The following SYNE3 variants were observed in gnomAD, a reference collection of about 807,000 sequenced individuals.
SYNE3 encodes the protein nesprin-3.
SYNE3 carries 100 observed loss-of-function variants against 111.2 expected under a neutral mutation model. The observed-to-expected ratio is 0.90, with a 90% CI of 0.77 to 1.06. The LOEUF (loss-of-function observed/expected upper bound fraction) is 1.06. Among genes scored for constraint, SYNE3 ranks in the 50% least tolerant of loss-of-function variants. The probability of loss-of-function intolerance (pLI) is 0.00; values close to 1 mark genes in which losing one functional copy is unlikely to be tolerated. For synonymous variants in SYNE3, 547 were observed against 533.9 expected (o/e 1.02, Z -0.34); for missense variants, 1,160 against 1,240.3 (o/e 0.94, Z 0.97).
At chr14:95,475,554 T>C (rs897959924) in intron 2 of SYNE3, 124 bp downstream of exon 2, 1 of 1,131,678 alleles carries the variant, frequency 8.8e-7, no homozygotes, top group Non-Finnish European at 1.1e-6. Flanking sequence ...TGTGTGCACA[T>C]CAGAGTTTGA....
In SYNE3 at chr14:95,436,554, A is replaced by G. The variant is rs144445286; in HGVS notation, c.2538+266T>C. Among the ~76,000 whole-genome samples, 5 of 152,374 alleles carry G rather than the reference A, an allele frequency of 3.3e-5. No homozygotes were observed. The East Asian group carries it at 9.6e-4, about 29-fold the overall frequency. On this transcript the variant is annotated intron_variant, in intron 15 of 17. Coordinates refer to ENST00000682763, the MANE Select transcript of SYNE3 (RefSeq NM_152592.6). ...ACAAACTGTTGGGATGGTGTGTCAC[A>G]CAGCAATAGCTAAGTGACAGGAGTC...
rs897735580 is a variant in SYNE3, at chr14:95,450,099, C to T, written c.1281G>A (p.Lys427=). 56 of 1,575,242 alleles carry T rather than the reference C, an allele frequency of 3.6e-5. No individual in the cohort carries two copies. The highest frequency in any genetic ancestry group is 4.6e-5 in the Non-Finnish European group (53 of 1,159,834). Residue 427 remains lysine (K), a synonymous_variant, in exon 8 of 18, where the codon AAG becomes AAA. Coordinates refer to ENST00000682763, the MANE Select transcript of SYNE3 (RefSeq NM_152592.6). ...CATTGCGCAGCCTCGCGCTCTTCAC[C>T]TTCAGGCTGCAAGGAGCGTGGAGGG... is the stretch of plus-strand genomic sequence containing the variant. The part of the protein sequence containing the change: ...IATIQEYQSL[K]VKSARLRNAA...
Position 95,446,069 on chromosome 14 carries a change from C to A in SYNE3, c.1472G>T (p.Arg491Leu), listed in dbSNP as rs745629148. ...CAGCATCGTCAGCAGCTCTTTCAGG[C>A]GGGAGCTTTCCATCAGGGCTGCCTG... ...QIEAALMESSRLKELLTMLQL... is the reference protein window; with the variant it reads ...QIEAALMESSLLKELLTMLQL... Residue 491 changes from arginine (R) to leucine (L), a missense_variant, in exon 9 of 18, where the codon CGC becomes CTC. By Grantham distance (102) the Arg-to-Leu change is moderately radical. Transcript: ENST00000682763. 8.7e-6 allele frequency: 14 copies of A among 1,614,066 alleles called. No individual in the cohort carries two copies. Among genetic ancestry groups the A allele is most frequent in the Non-Finnish European group, 1.2e-5 (14 of 1,180,026 alleles).
At chr14:95,493,533 G>T (rs775824736) in intron 1 of SYNE3, among the ~76,000 whole-genome samples, 1 of 152,120 alleles carries the variant, frequency 6.6e-6, no homozygotes, top group Non-Finnish European at 1.5e-5. Flanking sequence ...CATCCCTATG[G>T]GTCTTATAGA....
chr14:95,506,854 C>G (rs546201609), intron 1 of SYNE3, among the ~76,000 whole-genome samples: 1 of 152,296 alleles, frequency 6.6e-6, no homozygotes, highest in Non-Finnish European at 1.5e-5. Context: ...TGACTTGCCA[C>G]AGGCGACAAA....
chr14:95,468,537 C>T (rs1888333556), intron 2 of SYNE3, among the ~76,000 whole-genome samples: 1 of 152,134 alleles, frequency 6.6e-6, no homozygotes, highest in Admixed American at 6.5e-5. Flanking sequence ...TGAAGCAGCT[C>T]CCTTCCTGGG....
At chr14:95,425,164 T>C (rs1885361394) in intron 17 of SYNE3, among the ~76,000 whole-genome samples, 1 of 151,722 alleles carries the variant, frequency 6.6e-6, no homozygotes, top group Non-Finnish European at 1.5e-5. Context: ...GAGAATCGCT[T>C]GAACCTGGGA....
chr14:95,495,529 G>C (rs1890052797), intron 1 of SYNE3, among the ~76,000 whole-genome samples: 2 of 152,250 alleles, frequency 1.3e-5, no homozygotes, highest in South Asian at 4.1e-4. Flanking sequence ...CTGTGTGCCA[G>C]GCACTGGGCA....
intron 2 of SYNE3, among the ~76,000 whole-genome samples, chr14:95,469,092 A>C (rs1217114782): frequency 1.3e-5 from 2 of 152,124 alleles, no homozygotes; most frequent in African/African-American, 4.8e-5. Flanking sequence ...TATTATTATT[A>C]TTATCCTTAT....
intron 1 of SYNE3, among the ~76,000 whole-genome samples, chr14:95,486,727 C>T (rs1889569560): frequency 6.6e-6 from 1 of 152,200 alleles, no homozygotes; most frequent in African/African-American, 2.4e-5. Context: ...GAAATGACAG[C>T]CTTCTACTAG....
chr14:95,501,760 A>T, intron 1 of SYNE3, among the ~76,000 whole-genome samples: 1 of 152,220 alleles, frequency 6.6e-6, no homozygotes, highest in Non-Finnish European at 1.5e-5. Context: ...GCAGCAAAGC[A>T]TGAAGTAGCA....
chr14:95,420,996 TCG>T (rs1885084322), intron 17 of SYNE3, among the ~76,000 whole-genome samples: 1 of 152,176 alleles, frequency 6.6e-6, no homozygotes, highest in African/African-American at 2.4e-5. Context: ...TGAATAAGTC[TCG>T]CAAGATCTGA....
intron 4 of SYNE3, among the ~76,000 whole-genome samples, chr14:95,463,770 G>A (rs1421956994): frequency 1.3e-5 from 2 of 152,232 alleles, no homozygotes; most frequent in Non-Finnish European, 2.9e-5. Flanking sequence ...GGGGCCCTGC[G>A]GGTTGCTTGC....
chr14:95,426,626 G>A (rs1377833005), intron 17 of SYNE3, among the ~76,000 whole-genome samples: 5 of 152,190 alleles, frequency 3.3e-5, no homozygotes, highest in Middle Eastern at 3.4e-3. Flanking sequence ...CCACCCAGGT[G>A]CCGAGGAAAG....
chr14:95,409,482 C>T lies in SYNE3; in HGVS notation c.*8344G>A, dbSNP rs573572046. ...TTTCAGAAAGGAAGCCCAGGATCCT[C>T]GGGGGAAACCGAGGTCCCTCCTTAT... On this transcript the variant is annotated 3_prime_UTR_variant, in exon 18 of 18. Transcript: ENST00000682763. The T allele has an allele frequency of 2.1e-5, 9 of 419,426 alleles. No homozygotes were observed. Among genetic ancestry groups the T allele is most frequent in the Non-Finnish European group, 2.8e-5 (6 of 211,144 alleles). 26.0% of individuals were successfully genotyped at this position (419,426 alleles called of 1,614,324 possible).
intron 4 of SYNE3, among the ~76,000 whole-genome samples, chr14:95,460,721 A>G (rs1887751415): frequency 6.6e-6 from 1 of 152,176 alleles, no homozygotes; most frequent in South Asian, 2.1e-4. Flanking sequence ...CCCTTCCTGC[A>G]GGGTTATTTA....
At chr14:95,469,531 CAAAAAAAAAA>C (rs71132350) in intron 2 of SYNE3, among the ~76,000 whole-genome samples, 1,042 of 99,460 alleles carry the variant, frequency 0.01, 13 homozygotes, top group African/African-American at 0.037. Flanking sequence ...CATGTCTCTA[CAAAAAAAAAA>C]AAAAAAAAAA....
intron 1 of SYNE3, among the ~76,000 whole-genome samples, chr14:95,510,804 A>G (rs1466624438): frequency 6.6e-6 from 1 of 151,762 alleles, no homozygotes; most frequent in African/African-American, 2.4e-5. Context: ...AAAAAAGTGC[A>G]GGACCAAAAT....
At position 95,449,318 on chromosome 14, in the gene SYNE3, G is replaced by C. The variant is rs117361699; in HGVS notation, c.1449+613C>G. ...CAGGAATAATCAATCATATGACCTTGACCAACCAATGAGATGTGAGGGGAG... is the reference window on the plus strand; with the variant it reads ...CAGGAATAATCAATCATATGACCTTCACCAACCAATGAGATGTGAGGGGAG... On this transcript the variant is annotated intron_variant, in intron 8 of 17. Transcript: ENST00000682763. Among the ~76,000 whole-genome samples, 1,241 of 152,310 alleles carry C rather than the reference G, an allele frequency of 8.1e-3. 5 individuals carry two copies. The highest frequency in any genetic ancestry group is 0.014 in the Non-Finnish European group (959 of 68,030).
Sources: allele counts gnomAD v4.1 joint callset (sites outside exome capture counted in the v4.1 genomes callset), GRCh38; gene constraint gnomAD v4.1.1; transcripts MANE v1.5; gene names NCBI Gene and HGNC (gene_info 2026-07-23, HGNC 2026-07-21).